TGM6: variants seen among roughly 807,000 people sequenced by gnomAD.
TGM6 encodes the protein protein-glutamine gamma-glutamyltransferase 6.
In TGM6, 74 loss-of-function variants were observed where a neutral mutation model predicts 77.5. The observed-to-expected ratio is 0.96, with a 90% CI of 0.79 to 1.16. TGM6 has a LOEUF of 1.16. Among genes scored for constraint, TGM6 ranks in the 50% most tolerant of loss-of-function variants. The probability of loss-of-function intolerance (pLI) is 0.00; values close to 1 mark genes in which losing one functional copy is unlikely to be tolerated. For synonymous variants in TGM6, 383 were observed against 378.9 expected, an observed-to-expected ratio of 1.01 and a Z score of -0.12; for missense variants, 968 against 940.2, an observed-to-expected ratio of 1.03 and a Z score of -0.39.
chr20:2,401,782 T>C (rs559844247), intron 7 of TGM6, among the ~76,000 whole-genome samples: 15 of 152,308 alleles, frequency 9.8e-5, no homozygotes, highest in Admixed American at 8.5e-4. Context: ...CTCAATTGCA[T>C]GAAAAAGCCA....
chr20:2,431,482 C>G (rs2084923906), intron 12 of TGM6, among the ~76,000 whole-genome samples: 1 of 152,232 alleles, frequency 6.6e-6, no homozygotes, highest in Non-Finnish European at 1.5e-5. Context: ...CATTCATTCA[C>G]TCCTTCATTC....
chr20:2,406,332 A>T (rs1199898980), intron 9 of TGM6, among the ~76,000 whole-genome samples: 1 of 152,030 alleles, frequency 6.6e-6, no homozygotes, highest in Non-Finnish European at 1.5e-5. Context: ...CTCTATAAAA[A>T]ATACAAAAGA....
intron 10 of TGM6, 150 bp from the exon 11 acceptor site, chr20:2,430,296 A>T: frequency 9.3e-7 from 1 of 1,072,868 alleles, no homozygotes. Flanking sequence ...AGGTTTCTTC[A>T]TCTGAGAACC....
At chr20:2,394,019 G>A (rs1451706015) in intron 1 of TGM6, among the ~76,000 whole-genome samples, 1 of 152,088 alleles carries the variant, frequency 6.6e-6, no homozygotes, top group Admixed American at 6.5e-5. Context: ...GCTGGGCAAG[G>A]TGCCTCACAC....
At chr20:2,415,215 T>A (rs1599959729) in intron 9 of TGM6, among the ~76,000 whole-genome samples, 2 of 152,104 alleles carry the variant, frequency 1.3e-5, no homozygotes, top group East Asian at 3.9e-4. Flanking sequence ...ACATGGAATG[T>A]TAAAGAACCT....
At chr20:2,430,660 G>T (rs2084918086) in intron 11 of TGM6, 60 bp downstream of exon 11, 1 of 1,611,452 alleles carries the variant, frequency 6.2e-7, no homozygotes, top group African/African-American at 1.3e-5. Context: ...CAGAGCTGGG[G>T]GAGGGCGTCA....
At chr20:2,418,858 C>T (rs373363659) in intron 10 of TGM6, among the ~76,000 whole-genome samples, 5 of 152,010 alleles carry the variant, frequency 3.3e-5, no homozygotes, top group African/African-American at 4.8e-5. Flanking sequence ...GGGTGGATCA[C>T]GAGGTCAGGA....
At chr20:2,426,906 A>C (rs2084891592) in intron 10 of TGM6, among the ~76,000 whole-genome samples, 1 of 152,122 alleles carries the variant, frequency 6.6e-6, no homozygotes, top group African/African-American at 2.4e-5. Context: ...TCAATTTACC[A>C]ATATTTTGTG....
At chr20:2,422,801 A>C (rs2084865114) in intron 10 of TGM6, among the ~76,000 whole-genome samples, 1 of 151,824 alleles carries the variant, frequency 6.6e-6, no homozygotes, top group East Asian at 1.9e-4. Context: ...AAACAAAAAA[A>C]ATTAGCCAGG....
At chr20:2,404,069 T>A (rs529325785) in intron 9 of TGM6, among the ~76,000 whole-genome samples, 1 of 152,358 alleles carries the variant, frequency 6.6e-6, no homozygotes, top group South Asian at 2.1e-4. Flanking sequence ...AATAGCTACA[T>A]CTCCTTGAAC....
intron 1 of TGM6, among the ~76,000 whole-genome samples, chr20:2,384,208 AAG>A (rs758619056): frequency 1.6e-3 from 239 of 152,086 alleles, no homozygotes; most frequent in Non-Finnish European, 2.2e-3. Flanking sequence ...ATCCTGGTGG[AAG>A]CCCATTGCCC....
At chr20:2,431,124 C>A (rs112319493) in intron 12 of TGM6, 97 bp downstream of exon 12, 1 of 1,524,232 alleles carries the variant, frequency 6.6e-7, no homozygotes, top group South Asian at 1.2e-5. Context: ...GAGAGAGATT[C>A]TGGACACCCC....
intron 10 of TGM6, among the ~76,000 whole-genome samples, chr20:2,419,326 C>A (rs2084840847): frequency 6.6e-6 from 1 of 152,184 alleles, no homozygotes; most frequent in African/African-American, 2.4e-5. Flanking sequence ...GGGCCAGTTT[C>A]TGGTAAGTGA....
At chr20:2,384,049 G>C (rs1292978717) in intron 1 of TGM6, among the ~76,000 whole-genome samples, 1 of 149,436 alleles carries the variant, frequency 6.7e-6, no homozygotes, top group Non-Finnish European at 1.5e-5. Flanking sequence ...GGAGCTTGCA[G>C]TGAGCAGAAA....
At chr20:2,404,239 G>A (rs555953989) in intron 9 of TGM6, among the ~76,000 whole-genome samples, 1 of 152,300 alleles carries the variant, frequency 6.6e-6, no homozygotes, top group East Asian at 1.9e-4. Context: ...CTCCTGTTTA[G>A]CATCTGCCAG....
chr20:2,416,989 A>G (rs541770894), intron 9 of TGM6, among the ~76,000 whole-genome samples: 2 of 152,312 alleles, frequency 1.3e-5, no homozygotes, highest in South Asian at 4.1e-4. Flanking sequence ...AATCTGCAAA[A>G]GTGCTAGCTA....
intron 1 of TGM6, among the ~76,000 whole-genome samples, chr20:2,393,639 T>A (rs1454990003): frequency 6.6e-6 from 1 of 152,080 alleles, no homozygotes; most frequent in Non-Finnish European, 1.5e-5. Context: ...GTTCAAGCGA[T>A]TCTCCTGCTT....
At chr20:2,384,778 C>A (rs1217904975) in intron 1 of TGM6, among the ~76,000 whole-genome samples, 1 of 152,162 alleles carries the variant, frequency 6.6e-6, no homozygotes, top group Non-Finnish European at 1.5e-5. Context: ...GGAGAGCAGA[C>A]AAGCTGGAGG....
At chr20:2,392,786 C>G (rs1396026287) in intron 1 of TGM6, among the ~76,000 whole-genome samples, 3 of 152,126 alleles carry the variant, frequency 2.0e-5, no homozygotes, top group Admixed American at 2.0e-4. Context: ...GCCTGCAGAC[C>G]CAGCTACTTG....
Sources: allele counts gnomAD v4.1 joint callset (sites outside exome capture counted in the v4.1 genomes callset), GRCh38; gene constraint gnomAD v4.1.1; transcripts MANE v1.5; gene names NCBI Gene and HGNC (gene_info 2026-07-23, HGNC 2026-07-21).